The following HOXC4 variants were observed in gnomAD, a reference collection of about 807,000 sequenced individuals.
HOXC4 encodes homeobox protein Hox-C4.
HOXC4 carries 15 observed loss-of-function variants against 25.5 expected under a neutral mutation model. The ratio of observed to expected loss-of-function variants is 0.59; its 90% CI spans 0.39 to 0.91. The LOEUF is 0.91. HOXC4 is among the 40% of genes least tolerant of loss of function. The probability of loss-of-function intolerance (pLI) is 0.00; values close to 1 mark genes in which losing one functional copy is unlikely to be tolerated. For synonymous variants in HOXC4, 165 were observed against 148.0 expected (o/e 1.11, Z -0.83); for missense variants, 342 against 352.4 (o/e 0.97, Z 0.24).
chr12:54,042,239 A>G (rs1202982706), intron 1 of HOXC4, among the ~76,000 whole-genome samples: 1 of 152,116 alleles, frequency 6.6e-6, no homozygotes, highest in South Asian at 2.1e-4. Flanking sequence ...TTGCCTCCCA[A>G]GGTGCTGGGA....
intron 1 of HOXC4, chr12:54,030,051 C>T (rs1940923998): frequency 3.2e-6 from 4 of 1,256,486 alleles, no homozygotes; most frequent in Non-Finnish European, 4.3e-6. Context: ...TTATCACTGG[C>T]ACAATTGATG....
chr12:54,034,748 C>T (rs2071450), intron 1 of HOXC4: 189,487 of 494,718 alleles, frequency 0.38, 37,637 homozygotes, highest in East Asian at 0.61. Flanking sequence ...GCAAGCTCCG[C>T]AGGACTTCCC....
chr12:54,051,800 G>A (rs529767730), upstream of HOXC4, among the ~76,000 whole-genome samples: 63 of 152,308 alleles, frequency 4.1e-4, 2 homozygotes, highest in Non-Finnish European at 4.4e-5. Context: ...GGGCCCAGGC[G>A]GGAATCCGCA....
rs1355749377 is a variant in HOXC4 at position 54,054,873 on chromosome 12, G to C, written c.463G>C (p.Glu155Gln). Reference sequence around the variant, plus strand: ...AGTGAACCCCAATTATAACGGAGGGGAACCCAAGCGCTCGAGGACAGCCTA... The same window carrying C: ...AGTGAACCCCAATTATAACGGAGGGCAACCCAAGCGCTCGAGGACAGCCTA... ...STVNPNYNGG[E>Q]PKRSRTAYTR... Residue 155 changes from glutamate to glutamine, a missense_variant, in exon 2 of 2, where the codon GAA (glutamate) becomes CAA (glutamine). Glu to Gln is a conservative substitution (Grantham distance 29). Transcript: ENST00000430889. 3 of 1,609,320 alleles carry C rather than the reference G, an allele frequency of 1.9e-6. No individual in the cohort carries two copies. The highest frequency in any genetic ancestry group is 2.6e-6 in the Non-Finnish European group (3 of 1,176,236).
At chr12:54,029,539 T>C in intron 1 of HOXC4, 1 of 1,095,752 alleles carries the variant, frequency 9.1e-7, no homozygotes, top group African/African-American at 1.6e-5. Flanking sequence ...GCTAGAGCCC[T>C]AAGGAGGCTG....
chr12:54,021,255 G>A (rs899257397), intron 1 of HOXC4: 1 of 152,234 alleles, frequency 6.6e-6, no homozygotes. Flanking sequence ...CAGATTGGGA[G>A]TTCTCTAAGG....
At chr12:54,028,723 G>A (rs1394238603) in intron 1 of HOXC4, 2 of 1,614,068 alleles carry the variant, frequency 1.2e-6, no homozygotes, top group African/African-American at 1.3e-5. Context: ...TTCCAGCCGG[G>A]GGCCGTATGA....
chr12:54,053,929 A>T lies in HOXC4; in HGVS notation c.7A>T (p.Met3Leu). 6.2e-7 allele frequency: 1 copy of T among 1,604,078 alleles called. No individual in the cohort carries two copies. The highest frequency in any genetic ancestry group is 1.1e-5 in the South Asian group (1 of 90,850). MIMSSYLMDSNYI... is the reference protein window; with the variant it reads MILSSYLMDSNYI... ...TTTTCCACTCCAGAAATTAATGATCATGAGCTCGTATTTGATGGACTCTAA... is the reference window on the plus strand; with the variant it reads ...TTTTCCACTCCAGAAATTAATGATCTTGAGCTCGTATTTGATGGACTCTAA... Residue 3 changes from methionine (M) to leucine (L), a missense_variant, in exon 1 of 2, where the codon ATG becomes TTG. Coordinates refer to ENST00000430889, the MANE Select transcript of HOXC4 (RefSeq NM_153633.3).
At chr12:54,034,401 G>A (rs1322608399) in intron 1 of HOXC4, 9 of 1,614,168 alleles carry the variant, frequency 5.6e-6, no homozygotes, top group Non-Finnish European at 7.6e-6. Flanking sequence ...AACAACTTGT[G>A]TCTCAATGAG....
At chr12:54,021,010 A>C (rs1940409965) in intron 1 of HOXC4, 1 of 152,230 alleles carries the variant, frequency 6.6e-6, no homozygotes. Flanking sequence ...AGCAGTTCGG[A>C]GTAGTCAGGG....
At chr12:54,053,125 T>C (rs1017906118), upstream of HOXC4, 2 of 152,324 alleles carry the variant, frequency 1.3e-5, no homozygotes, top group African/African-American at 4.8e-5. Context: ...ACTTCTGAAC[T>C]CTGCTTTTGC....
At chr12:54,031,068 G>T (rs1037331863) in intron 1 of HOXC4, among the ~76,000 whole-genome samples, 4 of 152,396 alleles carry the variant, frequency 2.6e-5, no homozygotes, top group Non-Finnish European at 5.9e-5. Flanking sequence ...AGCCGCGTAG[G>T]ATTTTGTTGC....
upstream of HOXC4, among the ~76,000 whole-genome samples, chr12:54,049,522 G>T (rs1381108110): frequency 7.0e-6 from 1 of 142,770 alleles, no homozygotes; most frequent in Non-Finnish European, 1.5e-5. Context: ...TTAAAGGGGG[G>T]CAAATTAACA....
At position 54,026,665 on chromosome 12, in the gene HOXC4, T is replaced by G. The variant is rs77538854; in HGVS notation, c.-124+9251T>G. 6.8e-3 allele frequency among the ~76,000 whole-genome samples: 1,036 copies of G among 152,278 alleles called. 7 individuals are homozygous for G. The highest frequency in any genetic ancestry group is 0.024 in the African/African-American group (976 of 41,532). Reference sequence around the variant, plus strand: ...AACACAAATTGTCTGGCAGGAAGACTCTTCAACCCCCTAACGAGGTTCATG... The same window carrying G: ...AACACAAATTGTCTGGCAGGAAGACGCTTCAACCCCCTAACGAGGTTCATG... On this transcript the variant is annotated intron_variant, in intron 1 of 3. Transcript: ENST00000303406.
intron 1 of HOXC4, chr12:54,033,927 G>T (rs1216575334): frequency 4.6e-6 from 2 of 432,794 alleles, no homozygotes; most frequent in East Asian, 5.7e-5. Flanking sequence ...GCCGGCGCTT[G>T]CGGCTCCGGA....
At chr12:54,033,607 G>A in intron 1 of HOXC4, 2 of 1,489,626 alleles carry the variant, frequency 1.3e-6, no homozygotes, top group South Asian at 1.3e-5. Flanking sequence ...TTGCGCTCTC[G>A]GGTCCGCCTG....
At chr12:54,018,491 G>C (rs1940268366) in intron 1 of HOXC4, among the ~76,000 whole-genome samples, 1 of 152,246 alleles carries the variant, frequency 6.6e-6, no homozygotes, top group African/African-American at 2.4e-5. Flanking sequence ...GGGGCGGCGG[G>C]AGGGTCCTGG....
chr12:54,038,075 C>A (rs905752731), intron 1 of HOXC4: 1 of 152,192 alleles, frequency 6.6e-6, no homozygotes, highest in African/African-American at 2.4e-5. Flanking sequence ...AACCACCCCC[C>A]TCACTTGATA....
intron 1 of HOXC4, chr12:54,029,860 C>A (rs1940913981): frequency 1.2e-6 from 2 of 1,613,828 alleles, no homozygotes; most frequent in Non-Finnish European, 1.7e-6. Flanking sequence ...AATCTAATCT[C>A]ACATCCACTC....
Sources: allele counts gnomAD v4.1 joint callset (sites outside exome capture counted in the v4.1 genomes callset), GRCh38; gene constraint gnomAD v4.1.1; transcripts MANE v1.5; gene names NCBI Gene and HGNC (gene_info 2026-07-23, HGNC 2026-07-21).